Variants in GRIP1 observed in about 807,000 individuals in gnomAD.
GRIP1 encodes glutamate receptor-interacting protein 1.
A neutral mutation model predicts 129.9 loss-of-function variants in GRIP1; 45 were observed. The observed-to-expected ratio is 0.35, with a 90% CI of 0.27 to 0.44. The LOEUF (loss-of-function observed/expected upper bound fraction) is 0.44, where lower values mean the gene tolerates loss of function less well. Among genes scored for constraint, GRIP1 ranks in the 20% least tolerant of loss-of-function variants. GRIP1 has a pLI of 1.00. For synonymous variants in GRIP1, 530 were observed against 520.8 expected (o/e 1.02, Z -0.24); for missense variants, 1,196 against 1,396.8 (o/e 0.86, Z 2.29).
chr12:66,876,312 T>TA (rs1359087975), intron 1 of GRIP1, among the ~76,000 whole-genome samples: 9 of 151,990 alleles, frequency 5.9e-5, no homozygotes, highest in Non-Finnish European at 4.4e-5. Flanking sequence ...AGCTCTCCTC[T>TA]AAAAAATGCT....
intron 7 of GRIP1, among the ~76,000 whole-genome samples, chr12:66,473,636 C>G (rs1022572108): frequency 1.3e-5 from 2 of 152,210 alleles, no homozygotes; most frequent in Non-Finnish European, 2.9e-5. Context: ...AAGGAAGGAA[C>G]AGGCAGCAAT....
At chr12:66,377,390 C>G (rs2055847606) in intron 20 of GRIP1, 105 bp from the exon 21 acceptor site, 1 of 778,506 alleles carries the variant, frequency 1.3e-6, no homozygotes, top group African/African-American at 1.7e-5. Flanking sequence ...TGCAGTGGCG[C>G]AATCTCGGCT....
At chr12:66,947,433 C>T (rs958316369) in intron 1 of GRIP1, among the ~76,000 whole-genome samples, 17 of 152,126 alleles carry the variant, frequency 1.1e-4, no homozygotes, top group African/African-American at 4.1e-4. Context: ...ATTTTCCAGT[C>T]CCTTGGTTTC....
chr12:66,669,630 G>GTACC (rs1445372115), intron 1 of GRIP1, among the ~76,000 whole-genome samples: 2 of 152,178 alleles, frequency 1.3e-5, no homozygotes, highest in Non-Finnish European at 2.9e-5. Flanking sequence ...CAGAGCAGGA[G>GTACC]TACCTATTCA....
intron 7 of GRIP1, among the ~76,000 whole-genome samples, chr12:66,477,800 T>C (rs1227424409): frequency 7.1e-6 from 1 of 140,408 alleles, no homozygotes; most frequent in Non-Finnish European, 1.6e-5. Context: ...ATTTAACAAA[T>C]GGTGCTGGGA....
At chr12:67,036,330 G>A (rs191368764) in intron 1 of GRIP1, among the ~76,000 whole-genome samples, 3 of 145,814 alleles carry the variant, frequency 2.1e-5, no homozygotes, top group East Asian at 4.0e-4. Context: ...TACAGAATAA[G>A]GATGTCTTTT....
At chr12:66,455,614 G>C (rs1345872510) in intron 10 of GRIP1, 50 bp from the exon 11 acceptor site, 8 of 1,552,248 alleles carry the variant, frequency 5.2e-6, no homozygotes, top group East Asian at 4.6e-5. Context: ...TGAGGTGTGA[G>C]CCCGCCACAC....
chr12:66,700,606 CCTAA>C (rs1324883870), intron 1 of GRIP1, among the ~76,000 whole-genome samples: 1 of 151,950 alleles, frequency 6.6e-6, no homozygotes, highest in Non-Finnish European at 1.5e-5. Flanking sequence ...TGCCACTGTG[CCTAA>C]CTCAGTGAAA....
At chr12:66,923,142 G>T (rs11176487) in intron 1 of GRIP1, among the ~76,000 whole-genome samples, 1 of 151,808 alleles carries the variant, frequency 6.6e-6, no homozygotes, top group Admixed American at 6.6e-5. Context: ...GAACCTAATT[G>T]CAATTGATAT....
intron 1 of GRIP1, among the ~76,000 whole-genome samples, chr12:66,646,124 CGTTAA>C (rs1354855451): frequency 6.6e-6 from 1 of 152,138 alleles, no homozygotes; most frequent in Non-Finnish European, 1.5e-5. Context: ...AAAAAAGGTA[CGTTAA>C]GTTTTCAGTT....
chr12:66,427,103 C>T (rs747416115), intron 14 of GRIP1, among the ~76,000 whole-genome samples: 6 of 152,076 alleles, frequency 3.9e-5, no homozygotes, highest in Non-Finnish European at 5.9e-5. Context: ...ATGTACTTCC[C>T]GAAGTTTCTG....
chr12:66,801,056 C>T (rs2038843194), intron 1 of GRIP1, among the ~76,000 whole-genome samples: 2 of 151,942 alleles, frequency 1.3e-5, no homozygotes, highest in South Asian at 4.2e-4. Context: ...GCCTTGAATA[C>T]CAATGAAAAT....
intron 13 of GRIP1, among the ~76,000 whole-genome samples, chr12:66,436,864 T>A (rs925298576): frequency 6.6e-6 from 1 of 150,542 alleles, no homozygotes; most frequent in Non-Finnish European, 1.5e-5. Context: ...CACATGCCTA[T>A]AATCCCAGCT....
At chr12:66,612,171 T>C (rs1191894488) in intron 1 of GRIP1, among the ~76,000 whole-genome samples, 1 of 152,232 alleles carries the variant, frequency 6.6e-6, no homozygotes, top group Non-Finnish European at 1.5e-5. Flanking sequence ...GTGATGAAGA[T>C]ACTTTCTGAG....
At position 66,519,771 on chromosome 12, in the gene GRIP1, A is replaced by T. The variant is rs943508310; in HGVS notation, c.503-1795T>A. Among the ~76,000 whole-genome samples, 3 of 152,312 alleles carry T rather than the reference A, an allele frequency of 2.0e-5. No individual in the cohort carries two copies. In the South Asian group the frequency reaches 6.2e-4, roughly 32 times the overall value. On this transcript the variant is annotated intron_variant, in intron 5 of 24. Coordinates refer to ENST00000359742, the MANE Select transcript of GRIP1 (RefSeq NM_001366722.1). ...TATCAATGCCAGGGCCACAGTGCAG[A>T]CCAAATCTGAACATCAAGCAGCATA... is the stretch of plus-strand genomic sequence containing the variant.
chr12:67,032,236 C>G (rs1282747316), intron 1 of GRIP1, among the ~76,000 whole-genome samples: 1 of 152,138 alleles, frequency 6.6e-6, no homozygotes, highest in Non-Finnish European at 1.5e-5. Context: ...AGAAGCTTCG[C>G]ACATGAACAG....
At chr12:67,047,711 A>G (rs770668503) in intron 1 of GRIP1, among the ~76,000 whole-genome samples, 1 of 152,196 alleles carries the variant, frequency 6.6e-6, no homozygotes, top group African/African-American at 2.4e-5. Flanking sequence ...AATTTTTCAC[A>G]ATTATGGGCA....
intron 1 of GRIP1, among the ~76,000 whole-genome samples, chr12:66,711,910 C>A (rs920668632): frequency 2.0e-5 from 3 of 151,672 alleles, no homozygotes; most frequent in Admixed American, 2.0e-4. Context: ...TTAGTTGGTA[C>A]GAAAAGAATC....
chr12:66,827,387 T>TGTGTGTGTGTGAGAGAGAGAGAGAGA (rs755458052), intron 1 of GRIP1, among the ~76,000 whole-genome samples: 111 of 108,268 alleles, frequency 1.0e-3, no homozygotes, highest in East Asian at 4.3e-3. Context: ...TGTGTGTGTG[T>TGTGTGTGTGTGAGAGAGAGAGAGAGA]GAGAGAGAGA....
Sources: gnomAD v4.1 joint callset for allele counts (sites outside exome capture counted in the v4.1 genomes callset) on GRCh38, gnomAD v4.1.1 for gene constraint, MANE v1.5 for transcripts, NCBI Gene and HGNC (gene_info 2026-07-23, HGNC 2026-07-21) for gene names.